Variants in CASP5 observed in about 807,000 individuals in gnomAD.
CASP5 encodes caspase-5.
In CASP5, 42 loss-of-function variants were observed where a neutral mutation model predicts 45.2. The ratio of observed to expected loss-of-function variants is 0.93; its 90% CI spans 0.73 to 1.20. CASP5 has a LOEUF of 1.20. Among genes scored for constraint, CASP5 ranks in the 50% most tolerant of loss-of-function variants. The pLI, the probability that CASP5 is intolerant of heterozygous loss-of-function variation, is 0.00. For missense variants in CASP5, 512 were observed against 532.2 expected (o/e 0.96, Z 0.37); for synonymous variants, 209 against 186.2 (o/e 1.12, Z -1.00).
chr11:105,000,307 A>C lies in CASP5; in HGVS notation c.906T>G (p.Ser302Arg). The C allele has an allele frequency of 1.2e-6, 2 of 1,614,222 alleles. No homozygotes were observed. The highest frequency in any genetic ancestry group is 1.7e-6 in the Non-Finnish European group (2 of 1,180,040). ...FQIFNNRNCL[S>R]LKDKPKVIIV... The stretch of plus-strand genomic sequence containing the variant: ...TGATGACCTTGGGTTTGTCCTTTAG[A>C]CTGAGGCAGTTGCGGTTGTTGAATA... Residue 302 changes from serine (S) to arginine (R), a missense_variant, in exon 6 of 10, where the codon AGT (serine) becomes AGG (arginine). Transcript: ENST00000260315.
At chr11:104,995,864 G>A (rs1257797084) in intron 8 of CASP5, 22 bp from the exon 9 acceptor site, 2 of 1,481,210 alleles carry the variant, frequency 1.4e-6, no homozygotes, top group African/African-American at 2.8e-5. Context: ...AACAGTAGAT[G>A]AGATATGAGG....
At chr11:105,016,805 C>A (rs1591176830) in intron 1 of CASP5, among the ~76,000 whole-genome samples, 2 of 152,134 alleles carry the variant, frequency 1.3e-5, no homozygotes, top group South Asian at 4.1e-4. Flanking sequence ...GAGCCCACCA[C>A]AGCTCAAGGA....
chr11:105,019,069 G>A (rs1171275464), intron 1 of CASP5, among the ~76,000 whole-genome samples: 227 of 146,364 alleles, frequency 1.6e-3, no homozygotes, highest in African/African-American at 5.6e-3. Flanking sequence ...GGTACATAAT[G>A]AAATGAAGGC....
At chr11:104,997,636 G>A (rs757099592) in intron 7 of CASP5, 144 bp from the exon 8 acceptor site, 4 of 508,814 alleles carry the variant, frequency 7.9e-6, no homozygotes, top group Non-Finnish European at 1.0e-5. Context: ...GTTTCACACA[G>A]AGGAAACAGA....
At position 105,005,356 on chromosome 11, in the gene CASP5, ATGTGTGTG is replaced by A. The variant is rs5794366; in HGVS notation, c.433+1719_433+1726del. ...ATCGGTATATAGTGTGTATATATAT[ATGTGTGTG>A]TGTGTGTGTGTGTGTGTGTGTGTGT... On this transcript the variant is annotated intron_variant, in intron 3 of 9. Transcript: ENST00000260315. Among the ~76,000 whole-genome samples, 577 of 139,330 alleles carry A rather than the reference ATGTGTGTG, an allele frequency of 4.1e-3. 2 individuals carry two copies. The highest frequency in any genetic ancestry group is 0.018 in the Middle Eastern group (5 of 280). 91.4% of individuals were successfully genotyped at this position (139,330 alleles called of 152,430 possible).
intron 1 of CASP5, among the ~76,000 whole-genome samples, chr11:105,017,173 A>G (rs1469818657): frequency 6.6e-6 from 1 of 152,118 alleles, no homozygotes; most frequent in Non-Finnish European, 1.5e-5. Flanking sequence ...CCATCATCAA[A>G]GACCAAAAGT....
intron 8 of CASP5, 128 bp from the exon 9 acceptor site, chr11:104,995,970 T>A: frequency 3.3e-6 from 2 of 600,250 alleles, no homozygotes; most frequent in Non-Finnish European, 6.0e-6. Context: ...CCATGGATAT[T>A]CCAACTCCTT....
At chr11:105,005,072 G>C (rs949649965) in intron 3 of CASP5, among the ~76,000 whole-genome samples, 1 of 152,016 alleles carries the variant, frequency 6.6e-6, no homozygotes, top group African/African-American at 2.4e-5. Context: ...AAATATTATA[G>C]TGCAGTCTCC....
chr11:104,998,735 C>T (rs1861584343), intron 7 of CASP5, 150 bp downstream of exon 7: 1 of 680,740 alleles, frequency 1.5e-6, no homozygotes, highest in South Asian at 2.4e-5. Flanking sequence ...AATCTATTCT[C>T]ACAGCACACA....
Position 105,003,441 on chromosome 11 carries a change from C to T in CASP5, c.434-58G>A, listed in dbSNP as rs1215671237. 2.3e-5 allele frequency: 20 copies of T among 875,860 alleles called. No individual in the cohort carries two copies. The South Asian group carries it at 2.9e-4, about 13-fold the overall frequency. The allele number at this position is 875,860 out of a possible 1,614,324, so 54.3% of individuals were successfully genotyped here. On this transcript the variant is annotated intron_variant, in intron 3 of 9. Transcript: ENST00000260315. ...TCTGCCTCTGTGACCCAATTTATCA[C>T]CTAAGAACTTTGAGAGAGAGAGAGA...
chr11:104,998,783 C>T (rs1208424888), intron 7 of CASP5, 102 bp downstream of exon 7: 2 of 1,142,644 alleles, frequency 1.8e-6, no homozygotes, highest in East Asian at 4.7e-5. Flanking sequence ...ACACACCATT[C>T]TCTCAGCTCA....
rs1170301696 is a variant in CASP5, at chr11:104,995,796, G to T, written c.1253C>A (p.Thr418Asn). ...TCTTGTCAAGGTTGCTCGTTCTATG[G>T]TGGGCATCTGGGCTTTAGCCTGTGG... The part of the protein sequence containing the change: ...EVPQAKAQMP[T>N]IERATLTRDF... Residue 418 changes from threonine (T) to asparagine (N), a missense_variant, in exon 9 of 10, where the codon ACC (threonine) becomes AAC (asparagine). Coordinates refer to ENST00000260315, the MANE Select transcript of CASP5 (RefSeq NM_004347.5). 1.2e-6 allele frequency: 2 copies of T among 1,612,628 alleles called. No individual in the cohort carries two copies. Among genetic ancestry groups the T allele is most frequent in the Non-Finnish European group, 8.5e-7 (1 of 1,178,996 alleles).
intron 1 of CASP5, among the ~76,000 whole-genome samples, chr11:105,016,033 A>G (rs1325788923): frequency 6.6e-6 from 1 of 152,220 alleles, no homozygotes; most frequent in Non-Finnish European, 1.5e-5. Flanking sequence ...AAGTTTAGAT[A>G]TTTTTAAAAA....
chr11:105,020,556 A>C (rs1030598662), intron 1 of CASP5, among the ~76,000 whole-genome samples: 3 of 148,508 alleles, frequency 2.0e-5, no homozygotes, highest in African/African-American at 7.5e-5. Context: ...TCCCATTCAC[A>C]ATTGCTTCAA....
chr11:104,999,764 A>G (rs1476134881), intron 6 of CASP5, among the ~76,000 whole-genome samples: 7 of 152,240 alleles, frequency 4.6e-5, no homozygotes, highest in African/African-American at 1.7e-4. Flanking sequence ...AGGTAATTGG[A>G]AGTCAGGAAT....
intron 8 of CASP5, among the ~76,000 whole-genome samples, chr11:104,996,749 A>C (rs761436918): frequency 5.3e-5 from 8 of 152,194 alleles, no homozygotes; most frequent in Non-Finnish European, 1.0e-4. Flanking sequence ...ACACATAAAT[A>C]AACTATTAAT....
Position 105,011,597 on chromosome 11 carries a change from G to A in CASP5, c.8-2617C>T, listed in dbSNP as rs113035356. ...CTGTTGGAACTAATACACAAATGCA[G>A]TAAAGTTGAAGGATACAAAAACAAC... On this transcript the variant is annotated intron_variant, in intron 1 of 9. Coordinates refer to ENST00000260315, the MANE Select transcript of CASP5 (RefSeq NM_004347.5). Among the ~76,000 whole-genome samples, 416 of 151,690 alleles carry A rather than the reference G, an allele frequency of 2.7e-3. 4 individuals carry two copies. The highest frequency in any genetic ancestry group is 9.4e-3 in the African/African-American group (391 of 41,472).
In CASP5 at chr11:105,007,193, A is replaced by G; in HGVS notation, c.323T>C (p.Ile108Thr). ...TACCAAGATCAGGGCCTTGTCTTCAATTTTGGTATCATAATATTTTTTCTT... is the reference window on the plus strand; with the variant it reads ...TACCAAGATCAGGGCCTTGTCTTCAGTTTTGGTATCATAATATTTTTTCTT... The part of the protein sequence containing the change: ...EEKKKYYDTK[I>T]EDKALILVDS... Residue 108 changes from isoleucine to threonine, a missense_variant, in exon 3 of 10, where the codon ATT becomes ACT. Ile to Thr is a moderately conservative substitution (Grantham distance 89). Transcript: ENST00000260315. 6.2e-7 allele frequency: 1 copy of G among 1,613,914 alleles called. No individual in the cohort carries two copies. The highest frequency in any genetic ancestry group is 8.5e-7 in the Non-Finnish European group (1 of 1,179,876).
intron 4 of CASP5, 80 bp downstream of exon 4, chr11:105,003,194 C>T: frequency 5.5e-6 from 5 of 909,366 alleles, no homozygotes; most frequent in Non-Finnish European, 9.0e-6. Context: ...AGCAAGACCC[C>T]ATTTTTAAAA....
Sources: gnomAD v4.1 joint callset for allele counts (sites outside exome capture counted in the v4.1 genomes callset) on GRCh38, gnomAD v4.1.1 for gene constraint, MANE v1.5 for transcripts, NCBI Gene and HGNC (gene_info 2026-07-23, HGNC 2026-07-21) for gene names.